Variants in NOL4 observed in about 807,000 individuals in gnomAD.
NOL4 encodes the protein cancer/testis antigen 125.
Under a neutral mutation model 75.9 loss-of-function variants are expected in NOL4, and 17 were observed. That is an observed-to-expected ratio of 0.22 (90% CI 0.15 to 0.34). NOL4 has a LOEUF of 0.34. Among genes scored for constraint, NOL4 ranks in the 10% least tolerant of loss-of-function variants. The pLI, the probability that NOL4 is intolerant of heterozygous loss-of-function variation, is 1.00. For missense variants in NOL4, 614 were observed against 793.5 expected, an observed-to-expected ratio of 0.77 and a Z score of 2.72; for synonymous variants, 292 against 289.9, an observed-to-expected ratio of 1.01 and a Z score of -0.07.
rs532924283 is a variant in NOL4 at position 34,219,403 on chromosome 18, G to C, written c.264+3587C>G. ...TACAATGCAGAGGACTTTTTAAAAA[G>C]AGCGTTTAATAAATTTTCTCCTTTT... On this transcript the variant is annotated intron_variant, in intron 1 of 10. Transcript: ENST00000261592. Among the ~76,000 whole-genome samples the C allele has an allele frequency of 2.0e-5, 3 of 152,316 alleles. No homozygotes were observed. In the East Asian group the frequency reaches 5.8e-4, roughly 29 times the overall value.
intron 10 of NOL4, among the ~76,000 whole-genome samples, chr18:33,867,649 AACACACACACACAC>A (rs35491645): frequency 2.0e-5 from 3 of 148,788 alleles, no homozygotes; most frequent in East Asian, 2.1e-4. Context: ...TGTGTATGTA[AACACACACACACAC>A]ACACACACAC....
intron 2 of NOL4, among the ~76,000 whole-genome samples, chr18:34,107,609 T>A (rs553953323): frequency 6.7e-6 from 1 of 149,438 alleles, no homozygotes; most frequent in Admixed American, 6.7e-5. Flanking sequence ...GGAAGAAAGA[T>A]CCTCCAAGCA....
chr18:34,002,781 C>T (rs899210594), intron 6 of NOL4, among the ~76,000 whole-genome samples: 6 of 151,992 alleles, frequency 3.9e-5, no homozygotes, highest in African/African-American at 1.4e-4. Flanking sequence ...ATTAAGTCCC[C>T]ATTTACTTTC....
At chr18:33,898,763 T>G (rs2065573210) in intron 9 of NOL4, among the ~76,000 whole-genome samples, 1 of 152,218 alleles carries the variant, frequency 6.6e-6, no homozygotes, top group African/African-American at 2.4e-5. Flanking sequence ...TTATGTTGAT[T>G]GATCTTTAAA....
intron 1 of NOL4, among the ~76,000 whole-genome samples, chr18:34,219,186 T>C (rs75214062): frequency 0.028 from 4,328 of 152,274 alleles, 196 homozygotes; most frequent in African/African-American, 0.098. Context: ...TTAAGACCTG[T>C]ATTGGAATAA....
intron 5 of NOL4, among the ~76,000 whole-genome samples, chr18:34,025,836 G>A (rs2075312884): frequency 6.6e-6 from 1 of 152,044 alleles, no homozygotes; most frequent in South Asian, 2.1e-4. Flanking sequence ...GACCTGTTAA[G>A]TACCCATGTT....
chr18:34,213,579 C>A (rs952573779), intron 1 of NOL4, among the ~76,000 whole-genome samples: 4 of 152,176 alleles, frequency 2.6e-5, no homozygotes, highest in Admixed American at 2.0e-4. Context: ...TGAGCCACTG[C>A]GCATGGCCTC....
intron 6 of NOL4, among the ~76,000 whole-genome samples, chr18:33,958,725 C>T (rs955537604): frequency 6.6e-6 from 1 of 152,024 alleles, no homozygotes. Flanking sequence ...TACTCATATT[C>T]CAAATAAAAA....
intron 10 of NOL4, among the ~76,000 whole-genome samples, chr18:33,882,900 T>A (rs1367052374): frequency 3.3e-5 from 5 of 151,980 alleles, no homozygotes; most frequent in Non-Finnish European, 7.4e-5. Context: ...GTTCATGTCC[T>A]TTGTAGGGAC....
intron 9 of NOL4, among the ~76,000 whole-genome samples, chr18:33,888,386 A>G (rs991288135): frequency 2.6e-5 from 4 of 152,148 alleles, no homozygotes; most frequent in African/African-American, 7.2e-5. Context: ...CACTCTGATT[A>G]TAGTTTCTTT....
rs200152736 is a variant in NOL4 at position 33,883,224 on chromosome 18, A to T, written c.1723+20T>A. 2.8e-5 allele frequency: 43 copies of T among 1,541,426 alleles called. No homozygotes were observed. The highest frequency in any genetic ancestry group is 3.8e-5 in the Non-Finnish European group (43 of 1,146,478). The stretch of plus-strand genomic sequence containing the variant: ...AGTATAATAATTAAAAAAAAAACAC[A>T]ATCTATGATAAATACTCACCACTGC... On this transcript the variant is annotated intron_variant, in intron 10 of 10. Coordinates refer to ENST00000261592, the MANE Select transcript of NOL4 (RefSeq NM_003787.5).
At position 33,883,267 on chromosome 18, in the gene NOL4, T is replaced by C. The variant is rs771572231; in HGVS notation, c.1700A>G (p.Asn567Ser). The C allele has an allele frequency of 8.7e-6, 14 of 1,602,928 alleles. No individual in the cohort carries two copies. Among genetic ancestry groups the C allele is most frequent in the Non-Finnish European group, 1.2e-5 (14 of 1,176,278 alleles). Residue 567 changes from asparagine to serine, a missense_variant, in exon 10 of 11, where the codon AAT becomes AGT. Asn to Ser is a conservative substitution (Grantham distance 46, BLOSUM62 1). Transcript: ENST00000261592. ...ACCACTGCTGGAAGCATCATTCAGA[T>C]TTAGCAGACCCCCTCCTAGCCCTCT... ...SYRGLGGGLLNLNDASSSGPT... is the reference protein window; with the variant it reads ...SYRGLGGGLLSLNDASSSGPT...
intron 10 of NOL4, among the ~76,000 whole-genome samples, chr18:33,857,601 T>C (rs978717379): frequency 1.3e-5 from 2 of 152,082 alleles, no homozygotes; most frequent in Non-Finnish European, 2.9e-5. Context: ...GGAAAAAAAA[T>C]TGTAATAAAA....
At chr18:34,206,178 T>C (rs1170509657) in intron 1 of NOL4, among the ~76,000 whole-genome samples, 1 of 152,280 alleles carries the variant, frequency 6.6e-6, no homozygotes, top group East Asian at 1.9e-4. Flanking sequence ...ATTTGTAGTT[T>C]AAACCCTTTC....
chr18:33,911,225 C>T (rs895089083), intron 9 of NOL4, among the ~76,000 whole-genome samples: 4 of 137,764 alleles, frequency 2.9e-5, no homozygotes, highest in Admixed American at 8.0e-5. Context: ...CTGCCATGGT[C>T]TTTTCTTTTG....
chr18:34,141,512 C>G (rs1214010802), intron 1 of NOL4, among the ~76,000 whole-genome samples: 2 of 151,978 alleles, frequency 1.3e-5, no homozygotes, highest in Admixed American at 6.6e-5. Context: ...CAGAACAGAG[C>G]CCTCATAAAT....
At chr18:33,893,211 T>C (rs2065202255) in intron 9 of NOL4, among the ~76,000 whole-genome samples, 1 of 152,076 alleles carries the variant, frequency 6.6e-6, no homozygotes, top group Non-Finnish European at 1.5e-5. Flanking sequence ...ATTTCATATA[T>C]CCAAAAAAAG....
chr18:34,142,981 A>G (rs994830653), intron 1 of NOL4, among the ~76,000 whole-genome samples: 2 of 152,020 alleles, frequency 1.3e-5, no homozygotes, highest in Non-Finnish European at 2.9e-5. Context: ...TGTGAGTTCT[A>G]GCTCAATAAA....
intron 2 of NOL4, among the ~76,000 whole-genome samples, chr18:34,109,936 A>G (rs1235372996): frequency 6.6e-6 from 1 of 151,860 alleles, no homozygotes; most frequent in African/African-American, 2.4e-5. Context: ...AATGTGCAGC[A>G]TACCAAGACT....
Sources: allele counts gnomAD v4.1 joint callset (sites outside exome capture counted in the v4.1 genomes callset), GRCh38; gene constraint gnomAD v4.1.1; transcripts MANE v1.5; gene names NCBI Gene and HGNC (gene_info 2026-07-23, HGNC 2026-07-21).